Variants in PDP1 observed in about 807,000 individuals in gnomAD.
The protein encoded by PDP1 is pyruvate dehydrogenase phosphatase catalytic subunit 1.
Under a neutral mutation model 37.1 loss-of-function variants are expected in PDP1, and 14 were observed. The observed-to-expected ratio is 0.38, with a 90% confidence interval of 0.25 to 0.59. PDP1 has a LOEUF of 0.59. PDP1 is among the 20% of genes least tolerant of loss of function. The pLI is 0.67. For synonymous variants in PDP1, 251 were observed against 243.3 expected (o/e 1.03, Z -0.29); for missense variants, 544 against 655.3 (o/e 0.83, Z 1.85).
Position 93,925,220 on chromosome 8 carries a change from G to A in PDP1, c.*1547G>A, listed in dbSNP as rs1273653064. On this transcript the variant is annotated 3_prime_UTR_variant, in exon 2 of 2. Coordinates refer to ENST00000297598, the MANE Select transcript of PDP1 (RefSeq NM_018444.4). ...GTGGATACTGAATCAGTGTACTATT[G>A]GCTGCAGAATTTGTTTCAATTGAAA... 6.0e-6 allele frequency: 1 copy of A among 166,820 alleles called. No homozygotes were observed. Among genetic ancestry groups the A allele is most frequent in the Admixed American group, 6.5e-5 (1 of 15,272 alleles). The allele number at this position is 166,820 out of a possible 1,614,324, so 10.3% of individuals were successfully genotyped here.
chr8:93,921,814 T>G (rs1399779519), intron 1 of PDP1: 1 of 514,438 alleles, frequency 1.9e-6, no homozygotes, highest in Non-Finnish European at 3.4e-6. Flanking sequence ...CAGTCGTGGT[T>G]CCACGAATGA....
rs190113849 is a variant in PDP1, at chr8:93,926,026, G to T, written c.*2353G>T. 1.6e-4 allele frequency: 27 copies of T among 166,360 alleles called. No individual in the cohort carries two copies. The highest frequency in any genetic ancestry group is 6.5e-4 in the African/African-American group (27 of 41,542). 10.3% of individuals were successfully genotyped at this position (166,360 alleles called of 1,614,324 possible). A position where few individuals can be genotyped will look rare whatever the true frequency, so the allele number is the denominator to read the frequency against. On this transcript the variant is annotated 3_prime_UTR_variant, in exon 2 of 2. Transcript: ENST00000297598. ...AAGTTTAATGTACAGAATGGTTGGA[G>T]AAATGCCTATGGTGAATTAAAGCTT... is the stretch of plus-strand genomic sequence containing the variant.
Position 93,923,726 on chromosome 8 carries a change from T to C in PDP1, c.*53T>C, listed in dbSNP as rs1444561453. 6 of 1,405,438 alleles carry C rather than the reference T, an allele frequency of 4.3e-6. No individual in the cohort carries two copies. The East Asian group carries it at 6.8e-5, about 16-fold the overall frequency. The allele number at this position is 1,405,438 out of a possible 1,614,324, so 87.1% of individuals were successfully genotyped here. A position where few individuals can be genotyped will look rare whatever the true frequency, so the allele number is the denominator to read the frequency against. ...AAATGATATACATTTAAAGGGCAGATTTTTTAAAAAGATACTACTATAATA... is the reference window on the plus strand; with the variant it reads ...AAATGATATACATTTAAAGGGCAGACTTTTTAAAAAGATACTACTATAATA... On this transcript the variant is annotated 3_prime_UTR_variant, in exon 2 of 2. Coordinates refer to ENST00000297598, the MANE Select transcript of PDP1 (RefSeq NM_018444.4). This position sits in a 1 kb window ranked among gnomAD's most constrained non-coding sequence, Gnocchi z 4.3.
chr8:93,921,316 T>C, intron 1 of PDP1: 1 of 985,358 alleles, frequency 1.0e-6, no homozygotes, highest in Non-Finnish European at 1.2e-6. Flanking sequence ...GCCTGGCAAA[T>C]TGCCACAGTG....
At chr8:93,921,035 T>C in intron 1 of PDP1, 1 of 984,874 alleles carries the variant, frequency 1.0e-6, no homozygotes, top group Non-Finnish European at 1.2e-6. Flanking sequence ...CCATTTATGT[T>C]ACTAACAAAG....
chr8:93,917,823 C>G (rs780153814), intron 1 of PDP1: 11 of 1,609,668 alleles, frequency 6.8e-6, no homozygotes, highest in South Asian at 1.1e-5. Flanking sequence ...ATGAGCATCT[C>G]TGCCTTGCTT....
chr8:93,919,501 C>G (rs1237734492), intron 1 of PDP1, among the ~76,000 whole-genome samples: 40 of 135,678 alleles, frequency 2.9e-4, no homozygotes, highest in African/African-American at 5.9e-4. Context: ...CTCCCTCCCC[C>G]CCCCCGGCAA....
rs1810315267 is a variant in PDP1, at chr8:93,922,614, A to G, written c.555A>G (p.Ala185=). Residue 185 remains alanine (A), a synonymous_variant, in exon 2 of 2, where the codon GCA becomes GCG. Coordinates refer to ENST00000297598, the MANE Select transcript of PDP1 (RefSeq NM_018444.4). This position sits in a 1 kb window ranked among gnomAD's most constrained non-coding sequence, Gnocchi z 4.0. ...AAAATGCAGTGGAGAGCGGCCGGGC[A>G]CTGCTACCCATTCTCCAGTGGCACA... The part of the protein sequence containing the change: ...EIENAVESGR[A]LLPILQWHKH... 3.1e-6 allele frequency: 5 copies of G among 1,614,020 alleles called. No homozygotes were observed. The highest frequency in any genetic ancestry group is 1.3e-5 in the African/African-American group (1 of 74,924).
At chr8:93,919,144 GT>G in intron 1 of PDP1, 1 of 981,016 alleles carries the variant, frequency 1.0e-6, no homozygotes. Context: ...ATGTTTGAAC[GT>G]AAGTATTGTT....
rs745958515 is a variant in PDP1, at chr8:93,923,509, C to T, written c.1450C>T (p.Arg484Cys). 1.1e-5 allele frequency: 18 copies of T among 1,606,430 alleles called. 1 individual carries two copies. In the Middle Eastern group the frequency reaches 5.0e-4, roughly 44 times the overall value. Residue 484 changes from arginine (R) to cysteine (C), a missense_variant, in exon 2 of 2, where the codon CGC (arginine) becomes TGC (cysteine). This residue lies in a region of PDP1 where 159 missense variants were observed against 165.5 expected (regional missense o/e 0.96). Transcript: ENST00000297598. The surrounding 1 kb of genome is among the most constrained non-coding windows in gnomAD (Gnocchi z 4.3). Reference sequence around the variant, plus strand: ...TCAGAACGCAGCAACCCATCTCATTCGCCACGCTGTGGGCAACAACGAGTT... The same window carrying T: ...TCAGAACGCAGCAACCCATCTCATTTGCCACGCTGTGGGCAACAACGAGTT... ...EDQNAATHLIRHAVGNNEFGT... is the reference protein window; with the variant it reads ...EDQNAATHLICHAVGNNEFGT...
chr8:93,922,047 G>C lies in PDP1; in HGVS notation c.-13G>C, dbSNP rs373914341. 15 of 1,602,016 alleles carry C rather than the reference G, an allele frequency of 9.4e-6. No individual in the cohort carries two copies. In the African/African-American group the frequency reaches 1.5e-4, roughly 16 times the overall value. On this transcript the variant is annotated 5_prime_UTR_variant, in exon 2 of 2. Transcript: ENST00000297598. The surrounding 1 kb of genome is among the most constrained non-coding windows in gnomAD (Gnocchi z 4.0). ...CAGTCAGAAGTTCCAGCCTGCCACT[G>C]TTCTCTGATGCCATGCCAGCACCAA...
intron 1 of PDP1, chr8:93,917,940 G>A (rs749231431): frequency 5.0e-6 from 8 of 1,613,932 alleles, no homozygotes; most frequent in Non-Finnish European, 6.8e-6. Flanking sequence ...GGGCCCAGAC[G>A]AATTGGTAGG....
Position 93,919,095 on chromosome 8 carries a change from G to T in PDP1, c.-45+2016G>T, listed in dbSNP as rs764786849. On this transcript the variant is annotated intron_variant, in intron 1 of 1. Transcript: ENST00000297598. ...TCTCATTTTTTGTTTTTAATCTCAA[G>T]AATTTTTGCCTTGAAGGAAAAATGT... 62 of 960,098 alleles carry T rather than the reference G, an allele frequency of 6.5e-5. No homozygotes were observed. In the Middle Eastern group the frequency reaches 2.1e-3, roughly 33 times the overall value. The allele number at this position is 960,098 out of a possible 1,614,324, so 59.5% of individuals were successfully genotyped here.
At chr8:93,920,647 TTA>T in intron 1 of PDP1, 4 of 950,994 alleles carry the variant, frequency 4.2e-6, no homozygotes, top group Non-Finnish European at 5.0e-6. Flanking sequence ...AAGTTTGTAA[TTA>T]TATTGCTGTA....
chr8:93,918,072 C>T, intron 1 of PDP1: 1 of 1,025,198 alleles, frequency 9.8e-7, no homozygotes, highest in East Asian at 2.6e-5. Context: ...AAGGGACAAA[C>T]GCGTCTTGGA....
Position 93,924,680 on chromosome 8 carries a change from A to G in PDP1, c.*1007A>G, listed in dbSNP as rs185360919. ...GTAAGGTTTAATATTGCCATCGGGT[A>G]TTGAGACAGGAGGAAGTTTCTGTTT... is the stretch of plus-strand genomic sequence containing the variant. On this transcript the variant is annotated 3_prime_UTR_variant, in exon 2 of 2. Coordinates refer to ENST00000297598, the MANE Select transcript of PDP1 (RefSeq NM_018444.4). 1.2e-5 allele frequency: 2 copies of G among 167,192 alleles called. No individual in the cohort carries two copies. The highest frequency in any genetic ancestry group is 6.5e-5 in the Admixed American group (1 of 15,312). The allele number at this position is 167,192 out of a possible 1,614,324, so 10.4% of individuals were successfully genotyped here.
At chr8:93,920,609 G>T (rs1313763658) in intron 1 of PDP1, 1 of 956,548 alleles carries the variant, frequency 1.0e-6, no homozygotes, top group Non-Finnish European at 1.2e-6. Context: ...TATTTTCAGC[G>T]CACATAGTGA....
At chr8:93,918,305 C>T (rs978441024) in intron 1 of PDP1, among the ~76,000 whole-genome samples, 62 of 152,070 alleles carry the variant, frequency 4.1e-4, no homozygotes, top group African/African-American at 1.3e-3. Flanking sequence ...ACTGGGGTTC[C>T]GACACATTAA....
Position 93,922,272 on chromosome 8 carries a change from T to A in PDP1, c.213T>A (p.Tyr71Ter). Reference sequence around the variant, plus strand: ...GGCAGTACACCCAAGGAAGGAGATATGCTTCCACACCACAGAAATTTTACC... The same window carrying A: ...GGCAGTACACCCAAGGAAGGAGATAAGCTTCCACACCACAGAAATTTTACC... ...NWWQYTQGRR[Y>*]ASTPQKFYLT... The change falls in exon 2 of 2, where the codon TAT (tyrosine) becomes TAA (stop). Residue 71 changes from tyrosine (Y) to a stop codon, truncating the protein, a stop_gained. Transcript: ENST00000297598. LOFTEE classifies it high-confidence loss of function. The surrounding 1 kb of genome is among the most constrained non-coding windows in gnomAD (Gnocchi z 4.0). 1 of 1,614,246 alleles carries A rather than the reference T, an allele frequency of 6.2e-7. No homozygotes were observed. The highest frequency in any genetic ancestry group is 8.5e-7 in the Non-Finnish European group (1 of 1,180,026).
Sources: gnomAD v4.1 joint callset for allele counts (sites outside exome capture counted in the v4.1 genomes callset) on GRCh38, gnomAD v4.1.1 for gene constraint, gnomAD v4.1.1 regional missense constraint, Gnocchi (gnomAD v3.1) non-coding constraint, MANE v1.5 for transcripts, NCBI Gene and HGNC (gene_info 2026-07-23, HGNC 2026-07-21) for gene names.